The following FEZ2 variants were observed in gnomAD, a reference collection of about 807,000 sequenced individuals.
The protein encoded by FEZ2 is fasciculation and elongation protein zeta 2.
FEZ2 carries 51 observed loss-of-function variants against 40.4 expected under a neutral mutation model. That is an observed-to-expected ratio of 1.26 (90% confidence interval 1.01 to 1.59). The LOEUF is 1.59. Ranked by LOEUF, FEZ2 falls within the 40% of genes most tolerant of loss-of-function variation. The pLI is 0.00. For missense variants in FEZ2, 640 were observed against 438.3 expected (o/e 1.46, Z -4.11); for synonymous variants, 242 against 172.0 (o/e 1.41, Z -3.18).
At chr2:36,558,395 G>T in intron 6 of FEZ2, 43 bp downstream of exon 6, 1 of 1,268,938 alleles carries the variant, frequency 7.9e-7, no homozygotes, top group Non-Finnish European at 1.1e-6. Context: ...TTACCAATCA[G>T]CAAAAGGAAA....
chr2:36,560,476 A>C (rs1264574190), intron 5 of FEZ2, among the ~76,000 whole-genome samples: 1 of 152,144 alleles, frequency 6.6e-6, no homozygotes, highest in African/African-American at 2.4e-5. Flanking sequence ...TCACAAGCAG[A>C]TTTTCTACAC....
intron 5 of FEZ2, among the ~76,000 whole-genome samples, chr2:36,573,839 C>G (rs995760705): frequency 6.6e-6 from 1 of 152,218 alleles, no homozygotes; most frequent in Non-Finnish European, 1.5e-5. Context: ...TATTCAAAAG[C>G]TCTTAATATC....
At chr2:36,581,474 G>T in intron 3 of FEZ2, 43 bp from the exon 4 acceptor site, 1 of 1,584,168 alleles carries the variant, frequency 6.3e-7, no homozygotes, top group Non-Finnish European at 8.7e-7. Context: ...TATACAAAAG[G>T]AAAATGATCT....
chr2:36,554,717 G>A (rs968106588), intron 7 of FEZ2, among the ~76,000 whole-genome samples: 6 of 152,324 alleles, frequency 3.9e-5, no homozygotes, highest in Non-Finnish European at 8.8e-5. Flanking sequence ...TCTTACAAGT[G>A]AAATGTGTGA....
rs1459672873 is a variant in FEZ2, at chr2:36,597,831, G to T, written c.266+46C>A. On this transcript the variant is annotated intron_variant, in intron 1 of 7. Coordinates refer to ENST00000405912, the MANE Select transcript of FEZ2 (RefSeq NM_005102.3). ...CCGTAGGGCTGCCGGTCGGGCGAGG[G>T]GTAGGGGAGGCTCCCGCCCACTCCC... is the stretch of plus-strand genomic sequence containing the variant. 1.9e-5 allele frequency: 25 copies of T among 1,309,514 alleles called. No homozygotes were observed. In the South Asian group the frequency reaches 4.2e-4, roughly 22 times the overall value. 81.1% of individuals were successfully genotyped at this position (1,309,514 alleles called of 1,614,324 possible).
chr2:36,590,854 ATTATCAGCATCAG>A, intron 2 of FEZ2, 36 bp downstream of exon 2: 1 of 1,032,736 alleles, frequency 9.7e-7, no homozygotes. Flanking sequence ...TTTTAGTTCT[ATTATCAGCATCAG>A]TTATTCAAAC....
chr2:36,581,354 C>G lies in FEZ2; in HGVS notation c.570G>C (p.Arg190=). ...GAATTTCCTGGGAAAGCATTGAAAG[C>G]CGATCTGACTGTGTAGGGGTTTCAT... ...EDDETPTQSD[R]LSMLSQEIQT... The change falls in exon 4 of 8, where the codon CGG becomes CGC. Residue 190 remains arginine, a synonymous_variant. Transcript: ENST00000405912. 3 of 1,613,674 alleles carry G rather than the reference C, an allele frequency of 1.9e-6. No individual in the cohort carries two copies. Among genetic ancestry groups the G allele is most frequent in the Non-Finnish European group, 2.5e-6 (3 of 1,179,610 alleles).
chr2:36,566,991 G>C (rs1044048634), intron 5 of FEZ2, among the ~76,000 whole-genome samples: 2 of 152,092 alleles, frequency 1.3e-5, no homozygotes, highest in African/African-American at 4.8e-5. Context: ...AAATAAATGA[G>C]TGCTCCAGAA....
At chr2:36,558,380 G>C in intron 6 of FEZ2, 58 bp downstream of exon 6, 2 of 1,045,284 alleles carry the variant, frequency 1.9e-6, no homozygotes, top group Non-Finnish European at 2.8e-6. Context: ...ACTAAAGTCA[G>C]GTGTTTACCA....
intron 1 of FEZ2, among the ~76,000 whole-genome samples, chr2:36,596,150 A>G (rs1406334017): frequency 6.6e-6 from 1 of 152,160 alleles, no homozygotes; most frequent in Non-Finnish European, 1.5e-5. Context: ...ATAAAATCCA[A>G]TTATAAGTGT....
chr2:36,564,407 CTT>C (rs1352866296), intron 5 of FEZ2, among the ~76,000 whole-genome samples: 1 of 152,166 alleles, frequency 6.6e-6, no homozygotes, highest in Non-Finnish European at 1.5e-5. Flanking sequence ...TTTCCTCTTT[CTT>C]TCAAAAAACA....
At chr2:36,578,100 G>A (rs1387911991) in intron 5 of FEZ2, among the ~76,000 whole-genome samples, 1 of 152,174 alleles carries the variant, frequency 6.6e-6, no homozygotes, top group African/African-American at 2.4e-5. Flanking sequence ...TTACCTTCTT[G>A]TATTCCAACC....
chr2:36,563,011 A>C (rs1668132693), intron 5 of FEZ2, among the ~76,000 whole-genome samples: 1 of 152,242 alleles, frequency 6.6e-6, no homozygotes, highest in South Asian at 2.1e-4. Flanking sequence ...TCTATTTGGA[A>C]AGCACATTCC....
In FEZ2 at chr2:36,578,782, C is replaced by A; in HGVS notation, c.718G>T (p.Val240Leu). The change falls in exon 5 of 8, where the codon GTG (valine) becomes TTG (leucine). Residue 240 changes from valine (V) to leucine (L), a missense_variant. Transcript: ENST00000405912. ...TCATCTCGTAAAGCCAACTGCTGCA[C>A]CAGCTCCTCAGAGTACTCCTTAATG... is the stretch of plus-strand genomic sequence containing the variant. The part of the protein sequence containing the change: ...TAIKEYSEEL[V>L]QQLALRDELE... 3.1e-6 allele frequency: 5 copies of A among 1,613,958 alleles called. No individual in the cohort carries two copies. Among genetic ancestry groups the A allele is most frequent in the Non-Finnish European group, 4.2e-6 (5 of 1,179,836 alleles).
At chr2:36,581,578 A>C in intron 3 of FEZ2, 147 bp from the exon 4 acceptor site, 1 of 662,146 alleles carries the variant, frequency 1.5e-6, no homozygotes, top group Non-Finnish European at 2.6e-6. Context: ...GCTCCAAATA[A>C]TCAAAATTTT....
intron 4 of FEZ2, among the ~76,000 whole-genome samples, chr2:36,580,470 C>T (rs1668702695): frequency 6.6e-6 from 1 of 152,216 alleles, no homozygotes; most frequent in South Asian, 2.1e-4. Context: ...TGATTAGATA[C>T]ACACCTTCCA....
At chr2:36,588,565 T>C (rs1668975396) in intron 2 of FEZ2, among the ~76,000 whole-genome samples, 1 of 152,114 alleles carries the variant, frequency 6.6e-6, no homozygotes, top group Non-Finnish European at 1.5e-5. Flanking sequence ...GTCCCTTATA[T>C]AAAGTGGGGT....
chr2:36,564,301 A>G (rs1668172710), intron 5 of FEZ2, among the ~76,000 whole-genome samples: 1 of 152,164 alleles, frequency 6.6e-6, no homozygotes, highest in South Asian at 2.1e-4. Flanking sequence ...ACTCATATCC[A>G]AAACTGAATT....
At chr2:36,573,098 G>A (rs1242317757) in intron 5 of FEZ2, among the ~76,000 whole-genome samples, 1 of 152,170 alleles carries the variant, frequency 6.6e-6, no homozygotes, top group Non-Finnish European at 1.5e-5. Flanking sequence ...TGATGGTGGA[G>A]TGTAACACAG....
Sources: allele counts gnomAD v4.1 joint callset (sites outside exome capture counted in the v4.1 genomes callset), GRCh38; gene constraint gnomAD v4.1.1; transcripts MANE v1.5; gene names NCBI Gene and HGNC (gene_info 2026-07-23, HGNC 2026-07-21).